Variants in PTCHD4 observed in about 807,000 individuals in gnomAD.
PTCHD4 encodes patched domain containing 4, also known as patched domain-containing protein 4.
Under a neutral mutation model 58.1 loss-of-function variants are expected in PTCHD4, and 33 were observed. The observed-to-expected ratio is 0.57, with a 90% CI of 0.43 to 0.76. The LOEUF (loss-of-function observed/expected upper bound fraction) is 0.76. PTCHD4 is among the 30% of genes least tolerant of loss of function. The probability of loss-of-function intolerance (pLI) is 0.00; values close to 1 mark genes in which losing one functional copy is unlikely to be tolerated. For missense variants in PTCHD4, 1,058 were observed against 1,027.1 expected (o/e 1.03, Z -0.41); for synonymous variants, 478 against 409.6 (o/e 1.17, Z -2.02).
chr6:47,879,059 G>C lies in PTCHD4; in HGVS notation c.1776C>G (p.Ser592=). The C allele has an allele frequency of 6.2e-7, 1 of 1,613,428 alleles. No individual in the cohort carries two copies. The highest frequency in any genetic ancestry group is 8.5e-7 in the Non-Finnish European group (1 of 1,179,732). ...TGATATTGCTTTCATCCCCTGCCTT[G>C]GAGAAGATGATATCATTTCGAAAAT... is the stretch of plus-strand genomic sequence containing the variant. ...FQHFRNDIIF[S]KAGDESNIIA... The change falls in exon 5 of 5, where the codon TCC becomes TCG. Residue 592 remains serine, a synonymous_variant. Coordinates refer to ENST00000339488, the MANE Select transcript of PTCHD4 (RefSeq NM_001384253.1).
chr6:47,896,053 T>C (rs1313215864), intron 4 of PTCHD4, among the ~76,000 whole-genome samples: 1 of 152,202 alleles, frequency 6.6e-6, no homozygotes, highest in Non-Finnish European at 1.5e-5. Flanking sequence ...TAGATAAACT[T>C]GTTAAGCTCA....
intron 4 of PTCHD4, among the ~76,000 whole-genome samples, chr6:47,946,086 T>C (rs1766407494): frequency 1.3e-5 from 2 of 152,096 alleles, no homozygotes; most frequent in Admixed American, 1.3e-4. Context: ...AATATGATAC[T>C]GATTCTTTGA....
At chr6:47,959,375 G>A (rs1314286385) in intron 4 of PTCHD4, among the ~76,000 whole-genome samples, 1 of 152,144 alleles carries the variant, frequency 6.6e-6, no homozygotes, top group African/African-American at 2.4e-5. Flanking sequence ...ACTAACTATA[G>A]TGAATCAAGC....
chr6:47,949,478 C>T (rs910833405), intron 4 of PTCHD4, among the ~76,000 whole-genome samples: 12 of 152,200 alleles, frequency 7.9e-5, no homozygotes, highest in African/African-American at 2.6e-4. Flanking sequence ...TAGGTTGCAT[C>T]CATAGGCTCC....
At chr6:48,005,023 A>T (rs1441340977) in intron 4 of PTCHD4, among the ~76,000 whole-genome samples, 1 of 152,250 alleles carries the variant, frequency 6.6e-6, no homozygotes, top group African/African-American at 2.4e-5. Context: ...AATCTGAGAC[A>T]TACAATTTGA....
At position 47,867,963 on chromosome 6, in the gene PTCHD4, A is replaced by T. The variant is rs1351077839; in HGVS notation, c.*10340T>A. On this transcript the variant is annotated 3_prime_UTR_variant, in exon 5 of 5. Coordinates refer to ENST00000339488, the MANE Select transcript of PTCHD4 (RefSeq NM_001384253.1). ...AGAAACCCATCTACATCAAATCTTG[A>T]TCCTAAAATGGGACTGAATTTCTAG... 6.6e-6 allele frequency among the ~76,000 whole-genome samples: 1 copy of T among 151,700 alleles called. No homozygotes were observed. Among genetic ancestry groups the T allele is most frequent in the Non-Finnish European group, 1.5e-5 (1 of 67,794 alleles).
At chr6:47,909,969 A>G (rs1389763188) in intron 4 of PTCHD4, among the ~76,000 whole-genome samples, 1 of 152,196 alleles carries the variant, frequency 6.6e-6, no homozygotes, top group Non-Finnish European at 1.5e-5. Flanking sequence ...TATTAAATTT[A>G]TATAAACGTG....
chr6:47,973,423 A>G (rs1767585828), intron 4 of PTCHD4, among the ~76,000 whole-genome samples: 1 of 152,260 alleles, frequency 6.6e-6, no homozygotes, highest in African/African-American at 2.4e-5. Flanking sequence ...AAAAATGACA[A>G]TAAAAACAAT....
At chr6:48,081,188 T>G (rs1765160867) in intron 1 of PTCHD4, among the ~76,000 whole-genome samples, 1 of 152,126 alleles carries the variant, frequency 6.6e-6, no homozygotes, top group Non-Finnish European at 1.5e-5. Flanking sequence ...ATGAAAAAAT[T>G]TGAGAGCTAC....
intron 3 of PTCHD4, among the ~76,000 whole-genome samples, chr6:48,063,120 T>G (rs1582097790): frequency 6.6e-6 from 1 of 152,336 alleles, no homozygotes; most frequent in Admixed American, 6.5e-5. Flanking sequence ...CTCAAGCTTC[T>G]TTGGCACATA....
intron 3 of PTCHD4, among the ~76,000 whole-genome samples, chr6:48,044,895 G>A (rs1417843888): frequency 1.3e-5 from 2 of 151,744 alleles, no homozygotes; most frequent in Non-Finnish European, 2.9e-5. Context: ...AAGATTTAGA[G>A]GCTACAATTC....
intron 4 of PTCHD4, among the ~76,000 whole-genome samples, chr6:47,915,498 C>T (rs1303288928): frequency 6.6e-6 from 1 of 151,616 alleles, no homozygotes; most frequent in Non-Finnish European, 1.5e-5. Context: ...GTTACATCAG[C>T]TCTGAAGAAA....
intron 4 of PTCHD4, among the ~76,000 whole-genome samples, chr6:47,937,015 C>A (rs1766024268): frequency 6.6e-6 from 1 of 152,126 alleles, no homozygotes. Context: ...CCAAAAATAG[C>A]AAGAAAGCCC....
At chr6:48,090,912 C>A (rs1004029852) in intron 1 of PTCHD4, among the ~76,000 whole-genome samples, 1 of 152,206 alleles carries the variant, frequency 6.6e-6, no homozygotes, top group East Asian at 1.9e-4. Context: ...CATTTTTTTA[C>A]AACTTTAATT....
rs767064044 is a variant in PTCHD4, at chr6:47,878,684, G to T, written c.2151C>A (p.Tyr717Ter). 1 of 1,613,572 alleles carries T rather than the reference G, an allele frequency of 6.2e-7. No individual in the cohort carries two copies. Residue 717 changes from tyrosine (Y) to a stop codon, truncating the protein, a stop_gained, in exon 5 of 5, where the codon TAC (tyrosine) becomes TAA (stop). Transcript: ENST00000339488. LOFTEE classifies it high-confidence loss of function. Reference protein sequence around the residue: ...MDCISILCLIYTLNFAIDHCA... With the variant: ...MDCISILCLI ...AGTGGTCAATGGCGAAATTCAAGGTGTAGATAAGGCACAAGATAGAAATGC... is the reference window on the plus strand; with the variant it reads ...AGTGGTCAATGGCGAAATTCAAGGTTTAGATAAGGCACAAGATAGAAATGC...
At chr6:47,986,889 C>T (rs974275110) in intron 4 of PTCHD4, among the ~76,000 whole-genome samples, 1 of 152,156 alleles carries the variant, frequency 6.6e-6, no homozygotes, top group Non-Finnish European at 1.5e-5. Context: ...AGGGGAAATA[C>T]CTGCTTGATA....
intron 3 of PTCHD4, among the ~76,000 whole-genome samples, chr6:48,016,915 T>A (rs1295833276): frequency 6.6e-6 from 1 of 152,230 alleles, no homozygotes. Context: ...ATTCAGACAC[T>A]TTCTGTGACT....
In PTCHD4 at chr6:48,069,287, T is replaced by C. The variant is rs76338124; in HGVS notation, c.-330A>G. On this transcript the variant is annotated 5_prime_UTR_variant, in exon 2 of 5. Transcript: ENST00000339488. The stretch of plus-strand genomic sequence containing the variant: ...CCTCTTCCCTCCCCGCTGGAGTGAA[T>C]TGAAGAGGAAATAAATGGTGAAGGT... 3.3e-3 allele frequency among the ~76,000 whole-genome samples: 494 copies of C among 151,976 alleles called. 3 individuals are homozygous for C. The highest frequency in any genetic ancestry group is 0.011 in the African/African-American group (448 of 41,418).
chr6:48,054,132 C>A (rs531517322), intron 3 of PTCHD4, among the ~76,000 whole-genome samples: 1 of 152,048 alleles, frequency 6.6e-6, no homozygotes. Context: ...TTGATTCAAT[C>A]GATCTTAAGA....
Sources: allele counts gnomAD v4.1 joint callset (sites outside exome capture counted in the v4.1 genomes callset), GRCh38; gene constraint gnomAD v4.1.1; transcripts MANE v1.5; gene names NCBI Gene and HGNC (gene_info 2026-07-23, HGNC 2026-07-21).